RBMS3: variants seen among roughly 807,000 people sequenced by gnomAD.
RBMS3 encodes the protein RNA-binding motif, single-stranded-interacting protein 3.
RBMS3 carries 27 observed loss-of-function variants against 66.8 expected under a neutral mutation model. The ratio of observed to expected loss-of-function variants is 0.40; its 90% confidence interval spans 0.30 to 0.56. The LOEUF (loss-of-function observed/expected upper bound fraction) is 0.56. Ranked by LOEUF, RBMS3 falls within the 20% of genes least tolerant of loss-of-function variation. The probability of loss-of-function intolerance (pLI) is 0.40; values close to 1 mark genes in which losing one functional copy is unlikely to be tolerated. For synonymous variants in RBMS3, 188 were observed against 183.0 expected, an observed-to-expected ratio of 1.03 and a Z score of -0.22; for missense variants, 513 against 549.5, an observed-to-expected ratio of 0.93 and a Z score of 0.66.
In RBMS3 at chr3:29,660,299, G is replaced by A. The variant is rs371756780; in HGVS notation, c.399+73094G>A. Among the ~76,000 whole-genome samples the A allele has an allele frequency of 9.9e-5, 15 of 151,536 alleles. No individual in the cohort carries two copies. In the East Asian group the frequency reaches 1.4e-3, roughly 14 times the overall value. On this transcript the variant is annotated intron_variant, in intron 4 of 14. Coordinates refer to ENST00000383767, the MANE Select transcript of RBMS3 (RefSeq NM_001003793.3). ...TTAAAATTTTAGTAATATGTTCTTC[G>A]TCTCTTGTAAAATTTTTAAAATTTA... is the stretch of plus-strand genomic sequence containing the variant.
At chr3:29,946,048 T>C (rs1695280999) in intron 12 of RBMS3, among the ~76,000 whole-genome samples, 1 of 151,762 alleles carries the variant, frequency 6.6e-6, no homozygotes. Context: ...ATAGAGTTAA[T>C]ATGAAAAATA....
intron 3 of RBMS3, among the ~76,000 whole-genome samples, chr3:29,512,188 T>C (rs1260117098): frequency 6.6e-6 from 1 of 152,062 alleles, no homozygotes; most frequent in Admixed American, 6.6e-5. Context: ...TTATTTTTCA[T>C]CAGTTAGTCA....
intron 2 of RBMS3, among the ~76,000 whole-genome samples, chr3:29,487,207 A>G (rs1422032469): frequency 6.6e-6 from 1 of 152,100 alleles, no homozygotes. Context: ...TTGGGGTGAA[A>G]TAGAGCTCCA....
chr3:29,923,884 A>G (rs1454953005), intron 10 of RBMS3, among the ~76,000 whole-genome samples: 3 of 152,210 alleles, frequency 2.0e-5, no homozygotes, highest in African/African-American at 7.2e-5. Flanking sequence ...TTAAAGGAGC[A>G]GTGAGGAAAA....
At chr3:29,618,701 A>C (rs1393539476) in intron 4 of RBMS3, among the ~76,000 whole-genome samples, 2 of 152,118 alleles carry the variant, frequency 1.3e-5, no homozygotes, top group Non-Finnish European at 2.9e-5. Flanking sequence ...CCATAATATT[A>C]GTAAAAATAC....
At chr3:29,820,665 T>C (rs1318620453) in intron 6 of RBMS3, among the ~76,000 whole-genome samples, 1 of 152,204 alleles carries the variant, frequency 6.6e-6, no homozygotes, top group Non-Finnish European at 1.5e-5. Flanking sequence ...TCATTCAAAG[T>C]CCTTTTCCTG....
chr3:29,947,250 G>A (rs907754930), intron 12 of RBMS3, among the ~76,000 whole-genome samples: 1 of 151,548 alleles, frequency 6.6e-6, no homozygotes, highest in African/African-American at 2.4e-5. Flanking sequence ...AGTGACAGAA[G>A]TTAAGGGAGT....
chr3:29,815,080 A>G (rs2057844954), intron 6 of RBMS3, among the ~76,000 whole-genome samples: 2 of 152,200 alleles, frequency 1.3e-5, no homozygotes, highest in South Asian at 2.1e-4. Context: ...TTGATTGAAC[A>G]TTAGCTTACC....
intron 6 of RBMS3, among the ~76,000 whole-genome samples, chr3:29,856,781 G>A (rs1205240618): frequency 6.6e-6 from 1 of 152,104 alleles, no homozygotes; most frequent in East Asian, 1.9e-4. Context: ...CATCTTCATA[G>A]GCGACGTCGT....
intron 3 of RBMS3, among the ~76,000 whole-genome samples, chr3:29,498,551 C>T (rs2043847329): frequency 6.6e-6 from 1 of 152,094 alleles, no homozygotes. Context: ...AAAAAAGACA[C>T]AGTTCTTCAA....
chr3:29,412,873 A>G (rs2040322522), intron 1 of RBMS3, among the ~76,000 whole-genome samples: 1 of 152,190 alleles, frequency 6.6e-6, no homozygotes, highest in Non-Finnish European at 1.5e-5. Flanking sequence ...TGCCTTCAGG[A>G]TGAATAGGCT....
intron 3 of RBMS3, among the ~76,000 whole-genome samples, chr3:29,531,688 G>A (rs895583362): frequency 3.3e-5 from 5 of 152,140 alleles, no homozygotes; most frequent in Admixed American, 2.0e-4. Flanking sequence ...AAGTGTTCTT[G>A]CTGAGGCAGC....
At chr3:29,997,317 A>C (rs1349245221) in intron 14 of RBMS3, among the ~76,000 whole-genome samples, 1 of 151,360 alleles carries the variant, frequency 6.6e-6, no homozygotes, top group East Asian at 1.9e-4. Flanking sequence ...ACATGGATTC[A>C]CAGCCGAATT....
At chr3:29,992,808 G>A (rs1481164286) in intron 14 of RBMS3, among the ~76,000 whole-genome samples, 4 of 152,106 alleles carry the variant, frequency 2.6e-5, no homozygotes, top group African/African-American at 4.8e-5. Flanking sequence ...TAGGGGATGA[G>A]AAAATTGATC....
intron 1 of RBMS3, among the ~76,000 whole-genome samples, chr3:29,325,587 T>C (rs2035279877): frequency 6.7e-6 from 1 of 148,526 alleles, no homozygotes; most frequent in South Asian, 2.1e-4. Context: ...TGTGTGTATG[T>C]ATATATATAC....
chr3:29,387,352 A>G (rs1321682052), intron 1 of RBMS3, among the ~76,000 whole-genome samples: 3 of 152,218 alleles, frequency 2.0e-5, no homozygotes, highest in Admixed American at 1.3e-4. Context: ...TCACAAAGAA[A>G]AAACAACTCC....
chr3:29,501,695 G>A (rs1433724765), intron 3 of RBMS3, among the ~76,000 whole-genome samples: 1 of 152,014 alleles, frequency 6.6e-6, no homozygotes, highest in African/African-American at 2.4e-5. Flanking sequence ...TCTCCCATCA[G>A]CCTATCAACC....
intron 6 of RBMS3, among the ~76,000 whole-genome samples, chr3:29,851,251 C>A (rs566756608): frequency 3.9e-5 from 6 of 152,196 alleles, no homozygotes; most frequent in Admixed American, 3.9e-4. Flanking sequence ...TAGAATAATG[C>A]CTGGAACATA....
intron 3 of RBMS3, 77 bp downstream of exon 3, chr3:29,488,576 G>A: frequency 7.6e-7 from 1 of 1,311,996 alleles, no homozygotes; most frequent in South Asian, 1.3e-5. Context: ...TGGAGGTCCA[G>A]GTACCAGCTG....
Sources: gnomAD v4.1 joint callset for allele counts (sites outside exome capture counted in the v4.1 genomes callset) on GRCh38, gnomAD v4.1.1 for gene constraint, MANE v1.5 for transcripts, NCBI Gene and HGNC (gene_info 2026-07-23, HGNC 2026-07-21) for gene names.